The following EML6 variants were observed in gnomAD, a reference collection of about 807,000 sequenced individuals.
EML6 encodes the protein echinoderm microtubule-associated protein-like 6.
In EML6, 154 loss-of-function variants were observed where a neutral mutation model predicts 240.1. The observed-to-expected ratio is 0.64, with a 90% CI of 0.56 to 0.73. The LOEUF (loss-of-function observed/expected upper bound fraction) is 0.73, where lower values mean the gene tolerates loss of function less well. Ranked by LOEUF, EML6 falls within the 30% of genes least tolerant of loss-of-function variation. The pLI is 0.00. For synonymous variants in EML6, 1,148 were observed against 899.0 expected (o/e 1.28, Z -4.95); for missense variants, 2,964 against 2,474.6 (o/e 1.20, Z -4.20).
intron 7 of EML6, among the ~76,000 whole-genome samples, chr2:54,832,204 C>T (rs925347279): frequency 7.9e-5 from 12 of 152,222 alleles, no homozygotes; most frequent in African/African-American, 2.9e-4. Context: ...CAACTAAAGT[C>T]TGGCCCACCC....
intron 28 of EML6, among the ~76,000 whole-genome samples, chr2:54,935,313 A>G (rs1279678129): frequency 1.3e-5 from 2 of 152,204 alleles, no homozygotes; most frequent in African/African-American, 4.8e-5. Context: ...GATTTGGAGA[A>G]CACACAAAAT....
intron 17 of EML6, chr2:54,881,417 G>A (rs553917141): frequency 6.6e-6 from 1 of 152,208 alleles, no homozygotes. Flanking sequence ...CACTTTGTGA[G>A]GCTGAGGTGG....
At chr2:54,739,601 C>A (rs927202555) in intron 2 of EML6, among the ~76,000 whole-genome samples, 1 of 152,244 alleles carries the variant, frequency 6.6e-6, no homozygotes, top group Non-Finnish European at 1.5e-5. Flanking sequence ...CAGCACACAG[C>A]ACACATCTCC....
chr2:54,915,375 G>C (rs1296581897), intron 25 of EML6, among the ~76,000 whole-genome samples: 1 of 152,112 alleles, frequency 6.6e-6, no homozygotes, highest in Non-Finnish European at 1.5e-5. Context: ...TCTAGAATTT[G>C]GAAGGGAGTC....
chr2:54,945,350 G>A (rs573374649), intron 28 of EML6, among the ~76,000 whole-genome samples: 18 of 145,518 alleles, frequency 1.2e-4, no homozygotes, highest in Non-Finnish European at 2.1e-4. Context: ...AACCATTGGA[G>A]CATTTTATGC....
At chr2:54,861,288 T>A (rs80120526) in intron 12 of EML6, among the ~76,000 whole-genome samples, 8,649 of 152,252 alleles carry the variant, frequency 0.057, 365 homozygotes, top group South Asian at 0.15. Context: ...CCCACCTGTC[T>A]CCTTAATGAA....
chr2:54,919,247 C>G (rs5003888), intron 26 of EML6, among the ~76,000 whole-genome samples: 5 of 143,338 alleles, frequency 3.5e-5, no homozygotes, highest in East Asian at 2.2e-4. Context: ...TTGCTTCCCC[C>G]CCCCCCCAAT....
chr2:54,879,295 A>G (rs538837136), intron 16 of EML6, among the ~76,000 whole-genome samples: 1 of 152,348 alleles, frequency 6.6e-6, no homozygotes, highest in Admixed American at 6.5e-5. Context: ...CTAGTCATGC[A>G]TTTCATTCAG....
intron 26 of EML6, among the ~76,000 whole-genome samples, chr2:54,923,060 G>A (rs1045235415): frequency 4.1e-5 from 6 of 147,262 alleles, no homozygotes; most frequent in Non-Finnish European, 8.9e-5. Context: ...TCCTGCCTCA[G>A]CCCCCTGAGT....
Position 54,968,303 on chromosome 2 carries a change from C to G in EML6, c.5751+22C>G, listed in dbSNP as rs780532075. ...ATTTGTGAGTGTTCCTCAGAGTAAC[C>G]TCCCTGCAGGTTCTCTGTTTGGCCG... On this transcript the variant is annotated intron_variant, in intron 40 of 41. Transcript: ENST00000356458. 2.5e-5 allele frequency: 39 copies of G among 1,551,112 alleles called. No homozygotes were observed. In the African/African-American group the frequency reaches 5.2e-4, roughly 21 times the overall value.
At chr2:54,965,958 C>G (rs1028503623) in intron 38 of EML6, among the ~76,000 whole-genome samples, 1 of 152,168 alleles carries the variant, frequency 6.6e-6, no homozygotes, top group African/African-American at 2.4e-5. Flanking sequence ...AACTTTCTCC[C>G]AAAGTTAGTT....
At chr2:54,736,173 C>T (rs1416168781) in intron 2 of EML6, among the ~76,000 whole-genome samples, 5 of 152,166 alleles carry the variant, frequency 3.3e-5, no homozygotes, top group East Asian at 1.9e-4. Flanking sequence ...AGGGATTTAC[C>T]GCTCATTCCA....
At chr2:54,923,301 G>A (rs1674356867) in intron 26 of EML6, among the ~76,000 whole-genome samples, 1 of 150,826 alleles carries the variant, frequency 6.6e-6, no homozygotes, top group Non-Finnish European at 1.5e-5. Context: ...CATGGTGACT[G>A]TATTTAATTA....
At chr2:54,771,642 A>G (rs766688984) in intron 2 of EML6, among the ~76,000 whole-genome samples, 5 of 152,256 alleles carry the variant, frequency 3.3e-5, no homozygotes, top group African/African-American at 7.2e-5. Flanking sequence ...ATGTGTGTGA[A>G]TGTATGTGTA....
chr2:54,776,607 C>T (rs191882959), intron 2 of EML6, among the ~76,000 whole-genome samples: 7 of 151,978 alleles, frequency 4.6e-5, no homozygotes, highest in Admixed American at 4.6e-4. Context: ...TTTATGATCC[C>T]TTTGATGAGG....
chr2:54,910,741 T>TTA (rs1673595672), intron 24 of EML6, among the ~76,000 whole-genome samples: 1 of 152,222 alleles, frequency 6.6e-6, no homozygotes, highest in African/African-American at 2.4e-5. Context: ...AGATCAAATA[T>TTA]TATGAAGTCC....
At chr2:54,949,233 C>T (rs928550502) in intron 29 of EML6, among the ~76,000 whole-genome samples, 1 of 152,108 alleles carries the variant, frequency 6.6e-6, no homozygotes, top group African/African-American at 2.4e-5. Context: ...AGCCTGGCTC[C>T]GTTTCCCTCC....
Position 54,813,379 on chromosome 2 carries a change from C to T in EML6, c.345C>T (p.Asp115=), listed in dbSNP as rs202211966. Residue 115 remains aspartate, a synonymous_variant, in exon 3 of 42, where the codon GAC becomes GAT. Coordinates refer to ENST00000356458, the MANE Select transcript of EML6 (RefSeq NM_001039753.4). ...HTHGVACLAF[D]SDGQRLASVG... ...ATGGAGTTGCCTGCCTGGCTTTTGA[C>T]TCAGATGGACAGGTGTGTATCTTTT... 1.2e-4 allele frequency: 183 copies of T among 1,551,214 alleles called. No individual in the cohort carries two copies. The Middle Eastern group carries it at 4.0e-3, about 34-fold the overall frequency.
intron 2 of EML6, among the ~76,000 whole-genome samples, chr2:54,742,975 A>G (rs2103657511): frequency 6.6e-6 from 1 of 152,354 alleles, no homozygotes; most frequent in South Asian, 2.1e-4. Flanking sequence ...TCCTACGCAT[A>G]TTTCTGGCCA....
Sources: allele counts gnomAD v4.1 joint callset (sites outside exome capture counted in the v4.1 genomes callset), GRCh38; gene constraint gnomAD v4.1.1; transcripts MANE v1.5; gene names NCBI Gene and HGNC (gene_info 2026-07-23, HGNC 2026-07-21).